Variants in RORA observed in about 807,000 individuals in gnomAD.
RORA encodes RAR related orphan receptor A, also known as nuclear receptor ROR-alpha.
A neutral mutation model predicts 69.5 loss-of-function variants in RORA; 7 were observed. That is an observed-to-expected ratio of 0.10 (90% CI 0.06 to 0.19). The LOEUF is 0.19. Ranked by LOEUF, RORA falls within the 10% of genes least tolerant of loss-of-function variation. The probability of loss-of-function intolerance (pLI) is 1.00; values close to 1 mark genes in which losing one functional copy is unlikely to be tolerated. For synonymous variants in RORA, 261 were observed against 240.8 expected, an observed-to-expected ratio of 1.08 and a Z score of -0.78; for missense variants, 457 against 663.0, an observed-to-expected ratio of 0.69 and a Z score of 3.41.
intron 1 of RORA, among the ~76,000 whole-genome samples, chr15:61,003,717 T>C (rs1894819206): frequency 6.6e-6 from 1 of 152,080 alleles, no homozygotes; most frequent in Non-Finnish European, 1.5e-5. Context: ...TAGCCATGGG[T>C]GGTGGGAAGA....
rs1036301029 is a variant in RORA at position 60,723,486 on chromosome 15, A to C, written c.167-44800T>G. Among the ~76,000 whole-genome samples, 8 of 152,058 alleles carry C rather than the reference A, an allele frequency of 5.3e-5. No homozygotes were observed. The East Asian group carries it at 1.5e-3, about 29-fold the overall frequency. On this transcript the variant is annotated intron_variant, in intron 1 of 10. Transcript: ENST00000335670. ...GGCACATAAGGCGCAGGGAAAAAGC[A>C]AAGGAGAAACTAAGTTAAACTAGTT...
chr15:60,609,559 G>A (rs1383867659), intron 2 of RORA, among the ~76,000 whole-genome samples: 1 of 152,160 alleles, frequency 6.6e-6, no homozygotes. Context: ...AGATGGAAAT[G>A]AGGTGGCCTA....
chr15:61,212,916 CAG>C (rs2080006462), intron 1 of RORA, among the ~76,000 whole-genome samples: 1 of 152,184 alleles, frequency 6.6e-6, no homozygotes, highest in South Asian at 2.1e-4. Flanking sequence ...GAGTGCTGCT[CAG>C]AGTTAGGACT....
At chr15:60,898,812 C>T (rs1891304806) in intron 1 of RORA, among the ~76,000 whole-genome samples, 1 of 152,138 alleles carries the variant, frequency 6.6e-6, no homozygotes, top group South Asian at 2.1e-4. Context: ...TGGTGAAGTG[C>T]TCTAAGAATA....
chr15:60,801,664 C>G (rs1183107999), intron 1 of RORA, among the ~76,000 whole-genome samples: 1 of 152,230 alleles, frequency 6.6e-6, no homozygotes, highest in Non-Finnish European at 1.5e-5. Context: ...GTGCAGCCGC[C>G]TGAAAGCCCG....
At chr15:60,755,866 C>A (rs341418) in intron 1 of RORA, among the ~76,000 whole-genome samples, 7 of 152,198 alleles carry the variant, frequency 4.6e-5, no homozygotes, top group African/African-American at 1.7e-4. Context: ...CCATTCCATA[C>A]CTCTGCAGAA....
At chr15:60,637,368 TATC>T (rs150641379) in intron 2 of RORA, among the ~76,000 whole-genome samples, 2,634 of 152,240 alleles carry the variant, frequency 0.017, 92 homozygotes, top group African/African-American at 0.06. Context: ...TACATCTTCT[TATC>T]AGTTTGCTTT....
intron 1 of RORA, among the ~76,000 whole-genome samples, chr15:61,048,304 T>C (rs536467001): frequency 2.0e-5 from 3 of 152,328 alleles, no homozygotes; most frequent in African/African-American, 7.2e-5. Flanking sequence ...CTTACCTGAG[T>C]ACCCACTTTA....
intron 1 of RORA, among the ~76,000 whole-genome samples, chr15:61,066,935 G>A (rs2078269569): frequency 6.8e-6 from 1 of 147,126 alleles, no homozygotes; most frequent in African/African-American, 2.5e-5. Context: ...CTAGGCCTTG[G>A]TCCACTGAGC....
At chr15:61,148,228 T>C (rs2079368160) in intron 1 of RORA, among the ~76,000 whole-genome samples, 1 of 151,518 alleles carries the variant, frequency 6.6e-6, no homozygotes, top group Admixed American at 6.6e-5. Context: ...GGTCTCAGAG[T>C]GGAAGGGAAA....
chr15:60,827,748 G>A (rs2072985616), intron 1 of RORA, among the ~76,000 whole-genome samples: 1 of 152,184 alleles, frequency 6.6e-6, no homozygotes, highest in South Asian at 2.1e-4. Flanking sequence ...CTGCATGTAT[G>A]GATGTTTGCT....
intron 1 of RORA, among the ~76,000 whole-genome samples, chr15:60,740,798 T>C (rs1168412074): frequency 1.3e-5 from 2 of 152,202 alleles, no homozygotes; most frequent in African/African-American, 2.4e-5. Flanking sequence ...AGAGCCTCTC[T>C]CTCTCTCTCA....
intron 2 of RORA, among the ~76,000 whole-genome samples, chr15:60,656,043 T>G (rs560075597): frequency 2.4e-4 from 36 of 152,284 alleles, no homozygotes; most frequent in African/African-American, 8.2e-4. Context: ...CTGGAGAAAT[T>G]TAGATGATCT....
At chr15:61,183,405 AACAC>A (rs1476689797) in intron 1 of RORA, among the ~76,000 whole-genome samples, 1 of 152,014 alleles carries the variant, frequency 6.6e-6, no homozygotes, top group African/African-American at 2.4e-5. Context: ...TGTGGTGGCA[AACAC>A]CTGTAATCCC....
chr15:61,054,447 A>C (rs1229900428), intron 1 of RORA, among the ~76,000 whole-genome samples: 2 of 152,226 alleles, frequency 1.3e-5, no homozygotes, highest in Non-Finnish European at 2.9e-5. Context: ...ATCAGAGGAC[A>C]GCAGGAATAA....
rs765172820 is a variant in RORA at position 61,229,228 on chromosome 15, C to G, written c.-10G>C. The G allele has an allele frequency of 3.8e-6, 5 of 1,316,022 alleles. No homozygotes were observed. The highest frequency in any genetic ancestry group is 4.9e-6 in the Non-Finnish European group (5 of 1,016,046). The allele number at this position is 1,316,022 out of a possible 1,614,324, so 81.5% of individuals were successfully genotyped here. A position where few individuals can be genotyped will look rare whatever the true frequency, so the allele number is the denominator to read the frequency against. On this transcript the variant is annotated 5_prime_UTR_variant, in exon 1 of 11. Coordinates refer to ENST00000335670, the MANE Select transcript of RORA (RefSeq NM_134261.3). ...CCGGAGCTGACTCCATGTTTTTTCCCAATGTAGAGATCGCTGGAGATGGCG... is the reference window on the plus strand; with the variant it reads ...CCGGAGCTGACTCCATGTTTTTTCCGAATGTAGAGATCGCTGGAGATGGCG...
At chr15:61,095,034 A>G (rs917111310) in intron 1 of RORA, among the ~76,000 whole-genome samples, 2 of 152,206 alleles carry the variant, frequency 1.3e-5, no homozygotes, top group African/African-American at 4.8e-5. Flanking sequence ...AGTGCCTGGA[A>G]TATCATGGGG....
chr15:61,047,940 T>C lies in RORA; in HGVS notation c.166+181113A>G, dbSNP rs573388738. ...ATCCAAACCAAGACACTTCTTCCTA[T>C]TGTGGCAAAAATGAGCAACGTTAAA... On this transcript the variant is annotated intron_variant, in intron 1 of 10. Coordinates refer to ENST00000335670, the MANE Select transcript of RORA (RefSeq NM_134261.3). Among the ~76,000 whole-genome samples, 13 of 152,272 alleles carry C rather than the reference T, an allele frequency of 8.5e-5. No homozygotes were observed. In the East Asian group the frequency reaches 2.3e-3, roughly 27 times the overall value.
chr15:61,134,232 C>T (rs571957085), intron 1 of RORA, among the ~76,000 whole-genome samples: 4 of 152,136 alleles, frequency 2.6e-5, no homozygotes, highest in Admixed American at 1.3e-4. Flanking sequence ...AATGGTCTGC[C>T]GGCTTATTGA....
Sources: allele counts gnomAD v4.1 joint callset (sites outside exome capture counted in the v4.1 genomes callset), GRCh38; gene constraint gnomAD v4.1.1; transcripts MANE v1.5; gene names NCBI Gene and HGNC (gene_info 2026-07-23, HGNC 2026-07-21).